Variants in CYSTM1 observed in about 807,000 individuals in gnomAD.
CYSTM1 encodes cysteine rich transmembrane module containing 1, also known as cysteine-rich transmembrane module-containing protein 1.
A neutral mutation model predicts 13.1 loss-of-function variants in CYSTM1; 4 were observed. The ratio of observed to expected loss-of-function variants is 0.31; its 90% CI spans 0.15 to 0.70. The LOEUF (loss-of-function observed/expected upper bound fraction) is 0.70. CYSTM1 is among the 30% of genes least tolerant of loss of function. CYSTM1 has a pLI of 0.72. For synonymous variants in CYSTM1, 36 were observed against 42.7 expected, an observed-to-expected ratio of 0.84 and a Z score of 0.62; for missense variants, 96 against 121.6, an observed-to-expected ratio of 0.79 and a Z score of 0.99.
intron 2 of CYSTM1, among the ~76,000 whole-genome samples, chr5:140,236,148 GT>G (rs1764677618): frequency 6.6e-6 from 1 of 152,114 alleles, no homozygotes; most frequent in Admixed American, 6.5e-5. Context: ...GAAGCTCTTG[GT>G]TTTCTCCTCA....
At position 140,207,944 on chromosome 5, in the gene CYSTM1, A is replaced by G. The variant is rs150273875; in HGVS notation, c.187+13292A>G. Among the ~76,000 whole-genome samples, 279 of 152,336 alleles carry G rather than the reference A, an allele frequency of 1.8e-3. 2 individuals are homozygous for G. The highest frequency in any genetic ancestry group is 0.014 in the Middle Eastern group (4 of 294). On this transcript the variant is annotated intron_variant, in intron 2 of 2. Transcript: ENST00000261811. The stretch of plus-strand genomic sequence containing the variant: ...TAAGGTCTTCTCCAGGCAATAACAA[A>G]TGCTGGAGAGGTTGTGAAGAAAAGG...
chr5:140,241,573 G>T (rs1764749172), intron 2 of CYSTM1, among the ~76,000 whole-genome samples: 1 of 152,244 alleles, frequency 6.6e-6, no homozygotes, highest in African/African-American at 2.4e-5. Flanking sequence ...GGGGCTTTCT[G>T]TCCCAGGGGC....
At chr5:140,240,126 C>T (rs1764729941) in intron 2 of CYSTM1, among the ~76,000 whole-genome samples, 1 of 152,180 alleles carries the variant, frequency 6.6e-6, no homozygotes. Flanking sequence ...TGGGCACTGA[C>T]TGCTACCAAC....
At chr5:140,240,860 G>A (rs1254746627) in intron 2 of CYSTM1, among the ~76,000 whole-genome samples, 2 of 152,112 alleles carry the variant, frequency 1.3e-5, no homozygotes, top group African/African-American at 2.4e-5. Context: ...CCAGACCCAC[G>A]CTACTCCCCA....
At chr5:140,226,673 G>C (rs1455085294) in intron 2 of CYSTM1, among the ~76,000 whole-genome samples, 1 of 139,006 alleles carries the variant, frequency 7.2e-6, no homozygotes, top group Non-Finnish European at 1.5e-5. Flanking sequence ...GGCTGAGGCA[G>C]GATAATCACT....
chr5:140,207,701 C>T (rs1764314388), intron 2 of CYSTM1, among the ~76,000 whole-genome samples: 1 of 152,208 alleles, frequency 6.6e-6, no homozygotes, highest in Non-Finnish European at 1.5e-5. Context: ...AGTTTCTCAG[C>T]ATCATCAGGC....
At chr5:140,217,961 C>T (rs1235331903) in intron 2 of CYSTM1, among the ~76,000 whole-genome samples, 2 of 152,160 alleles carry the variant, frequency 1.3e-5, no homozygotes. Flanking sequence ...CAGAGTTTAT[C>T]TTGGAGGTCA....
Position 140,183,837 on chromosome 5 carries a change from C to A in CYSTM1, c.-21+8552C>A, listed in dbSNP as rs138236434. Among the ~76,000 whole-genome samples the A allele has an allele frequency of 1.4e-4, 22 of 152,250 alleles. No individual in the cohort carries two copies. In the East Asian group the frequency reaches 3.9e-3, roughly 27 times the overall value. On this transcript the variant is annotated intron_variant, in intron 1 of 2. Coordinates refer to ENST00000261811, the MANE Select transcript of CYSTM1 (RefSeq NM_032412.4). ...AGAAGGAGCCCTTGGGTGAGGTTAG[C>A]CTGGAACCCACAGGACTATTTGCAG...
intron 2 of CYSTM1, among the ~76,000 whole-genome samples, chr5:140,214,742 G>T (rs1333045076): frequency 6.6e-6 from 1 of 152,166 alleles, no homozygotes; most frequent in East Asian, 1.9e-4. Flanking sequence ...GACTACTTTG[G>T]GTAGTAAGGG....
intron 2 of CYSTM1, among the ~76,000 whole-genome samples, chr5:140,209,956 C>A (rs1217675581): frequency 6.6e-6 from 1 of 152,114 alleles, no homozygotes. Flanking sequence ...TGTTATAATA[C>A]CAGCAGTCAC....
intron 1 of CYSTM1, among the ~76,000 whole-genome samples, chr5:140,188,237 A>AT (rs1027999551): frequency 3.3e-5 from 5 of 151,402 alleles, no homozygotes; most frequent in African/African-American, 9.7e-5. Context: ...CAGCTTGCTA[A>AT]TTTTTTTGCG....
chr5:140,198,472 C>G (rs1030290933), intron 2 of CYSTM1, among the ~76,000 whole-genome samples: 2 of 152,224 alleles, frequency 1.3e-5, no homozygotes, highest in African/African-American at 4.8e-5. Context: ...AGGCCTCTCT[C>G]AGCACATAGT....
intron 2 of CYSTM1, among the ~76,000 whole-genome samples, chr5:140,213,017 GAGAGAC>G (rs1205347623): frequency 8.8e-6 from 1 of 113,132 alleles, no homozygotes; most frequent in Non-Finnish European, 2.0e-5. Flanking sequence ...ATATGAGAGA[GAGAGAC>G]AGAGAGAGAG....
At chr5:140,235,374 A>G (rs944000782) in intron 2 of CYSTM1, among the ~76,000 whole-genome samples, 2 of 150,200 alleles carry the variant, frequency 1.3e-5, no homozygotes, top group East Asian at 2.0e-4. Context: ...AATGTCACCC[A>G]TGACATTGGG....
chr5:140,192,783 C>G (rs1764108262), intron 1 of CYSTM1, among the ~76,000 whole-genome samples: 1 of 152,148 alleles, frequency 6.6e-6, no homozygotes. Context: ...TTGAATCAAT[C>G]ATGATAAAAA....
chr5:140,197,985 C>T (rs948004320), intron 2 of CYSTM1, among the ~76,000 whole-genome samples: 3 of 152,152 alleles, frequency 2.0e-5, no homozygotes, highest in African/African-American at 7.2e-5. Context: ...AGCAAAAAAA[C>T]CCACCTTTTG....
intron 1 of CYSTM1, among the ~76,000 whole-genome samples, chr5:140,180,291 C>T (rs564959892): frequency 2.0e-5 from 3 of 152,290 alleles, no homozygotes; most frequent in South Asian, 2.1e-4. Flanking sequence ...AGGGACACTA[C>T]GTACTGAACT....
At chr5:140,184,682 T>G (rs1008285829) in intron 1 of CYSTM1, among the ~76,000 whole-genome samples, 3 of 152,220 alleles carry the variant, frequency 2.0e-5, no homozygotes, top group Non-Finnish European at 4.4e-5. Flanking sequence ...CAGGAATGTT[T>G]ATAAATGTTA....
chr5:140,212,649 A>T (rs573647395), intron 2 of CYSTM1, among the ~76,000 whole-genome samples: 1 of 152,144 alleles, frequency 6.6e-6, no homozygotes, highest in Admixed American at 6.5e-5. Flanking sequence ...TACACTCCAA[A>T]ATATCAATTT....
Sources: allele counts gnomAD v4.1 joint callset (sites outside exome capture counted in the v4.1 genomes callset), GRCh38; gene constraint gnomAD v4.1.1; transcripts MANE v1.5; gene names NCBI Gene and HGNC (gene_info 2026-07-23, HGNC 2026-07-21).